The following PALM2AKAP2 variants were observed in gnomAD, a reference collection of about 807,000 sequenced individuals.
PALM2AKAP2 encodes PALM2 and AKAP2 fusion, also known as PALM2-AKAP2 fusion protein.
PALM2AKAP2 carries 37 observed loss-of-function variants against 71.5 expected under a neutral mutation model. The ratio of observed to expected loss-of-function variants is 0.52; its 90% CI spans 0.40 to 0.68. PALM2AKAP2 has a LOEUF of 0.68. Ranked by LOEUF, PALM2AKAP2 falls within the 30% of genes least tolerant of loss-of-function variation. The pLI, the probability that PALM2AKAP2 is intolerant of heterozygous loss-of-function variation, is 0.00. For missense variants in PALM2AKAP2, 1,224 were observed against 1,191.8 expected (o/e 1.03, Z -0.40); for synonymous variants, 468 against 478.8 (o/e 0.98, Z 0.29).
intron 1 of PALM2AKAP2, among the ~76,000 whole-genome samples, chr9:109,691,934 A>G (rs1827902718): frequency 7.5e-6 from 1 of 133,040 alleles, no homozygotes; most frequent in African/African-American, 2.9e-5. Flanking sequence ...ACACATATAT[A>G]TATATACACA....
At chr9:109,657,938 TTGTGTGTGTGTGTGTGTG>T (rs35984840) in intron 1 of PALM2AKAP2, among the ~76,000 whole-genome samples, 2 of 142,546 alleles carry the variant, frequency 1.4e-5, no homozygotes, top group East Asian at 4.3e-4. Context: ...TTGTGTGTGT[TTGTGTGTGTGTGTGTGTG>T]TGTGTGTGTG....
At chr9:110,172,088 A>G (rs919766011) in exon 4 of PALM2AKAP2, 8 of 152,702 alleles carry the variant, frequency 5.2e-5, no homozygotes, top group African/African-American at 1.9e-4. Flanking sequence ...AAGGAACACT[A>G]AAACAGTGTT....
chr9:110,098,887 C>T (rs1834925530), intron 1 of PALM2AKAP2, among the ~76,000 whole-genome samples: 1 of 152,186 alleles, frequency 6.6e-6, no homozygotes, highest in Admixed American at 6.5e-5. Flanking sequence ...TATATAAATT[C>T]ACTATATGAA....
intron 1 of PALM2AKAP2, among the ~76,000 whole-genome samples, chr9:109,739,350 CCAT>C (rs1226570671): frequency 2.0e-5 from 3 of 152,014 alleles, no homozygotes; most frequent in Admixed American, 1.3e-4. Flanking sequence ...TTAGAGAATG[CCAT>C]CAATTGTAAA....
At chr9:109,760,705 C>T (rs775728357) in intron 1 of PALM2AKAP2, 2 of 152,192 alleles carry the variant, frequency 1.3e-5, no homozygotes, top group African/African-American at 2.4e-5. Flanking sequence ...AACCCAGAAA[C>T]TAGCACTGTG....
At chr9:109,759,474 A>T (rs960706463) in intron 1 of PALM2AKAP2, among the ~76,000 whole-genome samples, 4 of 152,160 alleles carry the variant, frequency 2.6e-5, no homozygotes, top group African/African-American at 9.7e-5. Flanking sequence ...CCATCATAAT[A>T]TAAGACCTTT....
At chr9:109,667,314 G>T (rs1827501213) in intron 1 of PALM2AKAP2, among the ~76,000 whole-genome samples, 1 of 152,092 alleles carries the variant, frequency 6.6e-6, no homozygotes, top group South Asian at 2.1e-4. Flanking sequence ...ACCCAGAGAT[G>T]ACCTGAACGA....
In PALM2AKAP2 at chr9:109,765,474, GATCATC is replaced by G. The variant is rs55668686; in HGVS notation, c.6-14976_6-14971del. 826 of 95,108 alleles carry G rather than the reference GATCATC, an allele frequency of 8.7e-3. 9 individuals are homozygous for G. The highest frequency in any genetic ancestry group is 0.013 in the East Asian group (42 of 3,306). 5.9% of individuals were successfully genotyped at this position (95,108 alleles called of 1,614,324 possible). The stretch of plus-strand genomic sequence containing the variant: ...TCACCATCATCATGATCATGATCAT[GATCATC>G]ATCATCATCATCATCATCATCATCA... On this transcript the variant is annotated intron_variant, in intron 1 of 6. Transcript: ENST00000374531.
At chr9:109,664,705 C>T (rs1433312749) in intron 1 of PALM2AKAP2, among the ~76,000 whole-genome samples, 2 of 152,090 alleles carry the variant, frequency 1.3e-5, no homozygotes, top group East Asian at 3.9e-4. Flanking sequence ...TTGTGGTGTT[C>T]TCTGTATTTC....
At chr9:109,967,200 C>T (rs1292797386) in intron 6 of PALM2AKAP2, among the ~76,000 whole-genome samples, 2 of 152,056 alleles carry the variant, frequency 1.3e-5, no homozygotes, top group East Asian at 1.9e-4. Flanking sequence ...GGGCTGTCAG[C>T]GAGAACATCT....
chr9:109,891,117 C>G (rs1830078880), intron 3 of PALM2AKAP2, among the ~76,000 whole-genome samples: 2 of 152,226 alleles, frequency 1.3e-5, no homozygotes, highest in Admixed American at 6.5e-5. Flanking sequence ...GGGCTGCCAG[C>G]TTGACCAGAT....
At chr9:109,804,994 C>T (rs915667484) in intron 1 of PALM2AKAP2, among the ~76,000 whole-genome samples, 2 of 152,116 alleles carry the variant, frequency 1.3e-5, no homozygotes, top group Non-Finnish European at 2.9e-5. Flanking sequence ...TTTTTCATTT[C>T]ACATTTTCAT....
intron 1 of PALM2AKAP2, among the ~76,000 whole-genome samples, chr9:110,109,924 G>A (rs1835207881): frequency 1.3e-5 from 2 of 152,204 alleles, no homozygotes; most frequent in Non-Finnish European, 2.9e-5. Flanking sequence ...GTATGTTGGA[G>A]AGAGGGACTG....
At chr9:110,026,435 T>TG (rs1833183571) in intron 7 of PALM2AKAP2, among the ~76,000 whole-genome samples, 1 of 152,220 alleles carries the variant, frequency 6.6e-6, no homozygotes, top group African/African-American at 2.4e-5. Context: ...TTAATTTTTT[T>TG]ATTAGCCTAA....
chr9:109,943,453 G>T (rs774280146), intron 6 of PALM2AKAP2: 2 of 1,580,022 alleles, frequency 1.3e-6, no homozygotes, highest in East Asian at 2.2e-5. Context: ...TTTCTTCTGG[G>T]CAGCCTGTAC....
intron 1 of PALM2AKAP2, among the ~76,000 whole-genome samples, chr9:109,642,454 T>C (rs1290496916): frequency 6.7e-6 from 1 of 149,044 alleles, no homozygotes; most frequent in African/African-American, 2.5e-5. Context: ...GGTGCAACAG[T>C]AATTGCAGTT....
At chr9:109,801,604 G>A (rs1344181110) in intron 1 of PALM2AKAP2, among the ~76,000 whole-genome samples, 4 of 152,206 alleles carry the variant, frequency 2.6e-5, no homozygotes, top group Non-Finnish European at 5.9e-5. Flanking sequence ...TTAGCCACAG[G>A]CCAGGGCTTT....
rs78431034 is a variant in PALM2AKAP2 at position 110,140,737 on chromosome 9, G to A, written c.2569+2198G>A. Among the ~76,000 whole-genome samples the A allele has an allele frequency of 9.1e-4, 138 of 152,078 alleles. 3 individuals carry two copies. The East Asian group carries it at 0.024, about 26-fold the overall frequency. On this transcript the variant is annotated intron_variant, in intron 2 of 3. Coordinates refer to ENST00000374525, the Ensembl canonical transcript of PALM2AKAP2. ...TCTCCTGTTTTCCTCACCAAACTTG[G>A]GCTCCGACATCATTTTCCAGGTGGC...
intron 1 of PALM2AKAP2, among the ~76,000 whole-genome samples, chr9:109,706,575 G>C (rs1392507491): frequency 6.6e-6 from 1 of 152,128 alleles, no homozygotes; most frequent in Non-Finnish European, 1.5e-5. Context: ...CAGGAGAAAT[G>C]CAAACATACG....
Sources: gnomAD v4.1 joint callset for allele counts (sites outside exome capture counted in the v4.1 genomes callset) on GRCh38, gnomAD v4.1.1 for gene constraint, MANE v1.5 for transcripts, NCBI Gene and HGNC (gene_info 2026-07-23, HGNC 2026-07-21) for gene names.